MAN2A1: variants seen among roughly 807,000 people sequenced by gnomAD.
MAN2A1 encodes the protein alpha-mannosidase 2.
In MAN2A1, 76 loss-of-function variants were observed where a neutral mutation model predicts 142.6. The observed-to-expected ratio is 0.53, with a 90% CI of 0.44 to 0.65. The LOEUF is 0.65. Among genes scored for constraint, MAN2A1 ranks in the 30% least tolerant of loss-of-function variants. The pLI is 0.00. For synonymous variants in MAN2A1, 559 were observed against 473.2 expected (o/e 1.18, Z -2.35); for missense variants, 1,311 against 1,365.1 (o/e 0.96, Z 0.62).
chr5:109,826,698 C>T (rs1314707056), intron 16 of MAN2A1, among the ~76,000 whole-genome samples: 1 of 152,186 alleles, frequency 6.6e-6, no homozygotes, highest in Non-Finnish European at 1.5e-5. Flanking sequence ...AATCACTAAT[C>T]AAGGCCCATG....
chr5:109,805,744 G>C (rs193166804), intron 12 of MAN2A1, among the ~76,000 whole-genome samples: 2 of 152,166 alleles, frequency 1.3e-5, no homozygotes. Flanking sequence ...TTAACATTTG[G>C]TTTTCTTGTC....
intron 5 of MAN2A1, among the ~76,000 whole-genome samples, chr5:109,765,872 T>C (rs1220882812): frequency 6.6e-6 from 1 of 152,162 alleles, no homozygotes; most frequent in Non-Finnish European, 1.5e-5. Flanking sequence ...CTTGACTGTC[T>C]CTTTGCTTTA....
chr5:109,767,378 T>C (rs1213543001), intron 5 of MAN2A1, among the ~76,000 whole-genome samples, 157 bp from the exon 6 acceptor site: 2 of 152,206 alleles, frequency 1.3e-5, no homozygotes, highest in African/African-American at 4.8e-5. Flanking sequence ...CTTCATGATA[T>C]CTTGCTGGGA....
intron 16 of MAN2A1, among the ~76,000 whole-genome samples, chr5:109,836,143 C>G (rs1157079347): frequency 6.6e-6 from 1 of 151,540 alleles, no homozygotes; most frequent in African/African-American, 2.4e-5. Context: ...GAGTCCCACT[C>G]TGTTGCCCCA....
Position 109,823,842 on chromosome 5 carries a change from GA to G in MAN2A1, c.2566+9del, listed in dbSNP as rs770947654. 2.2e-6 allele frequency: 3 copies of G among 1,394,194 alleles called. No individual in the cohort carries two copies. The South Asian group carries it at 3.9e-5, about 18-fold the overall frequency. 86.4% of individuals were successfully genotyped at this position (1,394,194 alleles called of 1,614,324 possible). On this transcript the variant is annotated splice_donor_region_variant and intron_variant, in intron 16 of 21. Transcript: ENST00000261483. ...TCCGACTATACCACATACAGGGTAA[GA>G]AAATAGGAATGCAGTTATGAAACAT...
intron 4 of MAN2A1, among the ~76,000 whole-genome samples, chr5:109,754,359 G>A (rs991136050): frequency 1.3e-5 from 2 of 152,070 alleles, no homozygotes; most frequent in Non-Finnish European, 2.9e-5. Flanking sequence ...TGGTATTATG[G>A]CAAAGGAATA....
At chr5:109,784,389 T>TG (rs1429189714) in intron 9 of MAN2A1, among the ~76,000 whole-genome samples, 1 of 152,126 alleles carries the variant, frequency 6.6e-6, no homozygotes, top group Non-Finnish European at 1.5e-5. Context: ...GTGTTGCTCT[T>TG]GGAGAGAAGA....
At chr5:109,751,045 A>G (rs1293272182) in intron 4 of MAN2A1, among the ~76,000 whole-genome samples, 2 of 151,818 alleles carry the variant, frequency 1.3e-5, no homozygotes, top group African/African-American at 4.8e-5. Flanking sequence ...TAGTCACCCT[A>G]CTCTGCTGTC....
intron 16 of MAN2A1, among the ~76,000 whole-genome samples, chr5:109,833,056 C>G (rs1754963887): frequency 6.6e-6 from 1 of 151,020 alleles, no homozygotes; most frequent in Admixed American, 6.6e-5. Flanking sequence ...GAGGCGCTCC[C>G]CACATCTCAG....
chr5:109,736,318 G>C (rs1210833817), intron 4 of MAN2A1, among the ~76,000 whole-genome samples: 1 of 151,982 alleles, frequency 6.6e-6, no homozygotes, highest in Non-Finnish European at 1.5e-5. Flanking sequence ...AACCACATAA[G>C]CATTGATATT....
intron 13 of MAN2A1, among the ~76,000 whole-genome samples, chr5:109,818,827 C>G (rs1754542061): frequency 1.3e-5 from 2 of 152,092 alleles, no homozygotes; most frequent in African/African-American, 4.8e-5. Flanking sequence ...ATTAGGTTCT[C>G]TGGATAAACT....
chr5:109,866,301 C>T (rs1755881814), intron 21 of MAN2A1, among the ~76,000 whole-genome samples: 1 of 152,126 alleles, frequency 6.6e-6, no homozygotes, highest in South Asian at 2.1e-4. Context: ...GAGGGAAATA[C>T]TTTCCAAATG....
intron 16 of MAN2A1, among the ~76,000 whole-genome samples, chr5:109,841,993 C>T (rs1755217037): frequency 6.6e-6 from 1 of 152,154 alleles, no homozygotes; most frequent in Non-Finnish European, 1.5e-5. Flanking sequence ...GTGGACTGGC[C>T]TGTAGCTGGG....
At chr5:109,805,656 C>T (rs1443995046) in intron 12 of MAN2A1, among the ~76,000 whole-genome samples, 1 of 152,190 alleles carries the variant, frequency 6.6e-6, no homozygotes, top group African/African-American at 2.4e-5. Flanking sequence ...CTAACCAGCT[C>T]ATATTTTTGG....
chr5:109,857,081 G>T (rs1351629396), intron 20 of MAN2A1, among the ~76,000 whole-genome samples: 9 of 152,200 alleles, frequency 5.9e-5, no homozygotes, highest in African/African-American at 1.7e-4. Context: ...AAAATCTGAA[G>T]AAGGTCAGAG....
intron 19 of MAN2A1, among the ~76,000 whole-genome samples, chr5:109,851,653 G>A (rs181848109): frequency 2.0e-5 from 3 of 152,160 alleles, no homozygotes; most frequent in Non-Finnish European, 2.9e-5. Flanking sequence ...TCCAGTCTGT[G>A]GTATTCTGTT....
At chr5:109,695,147 AT>A (rs1366097927) in intron 1 of MAN2A1, among the ~76,000 whole-genome samples, 4 of 152,124 alleles carry the variant, frequency 2.6e-5, no homozygotes, top group Middle Eastern at 3.2e-3. Context: ...ACCCAAACTT[AT>A]TTCCTGTAAA....
At chr5:109,690,581 T>C (rs899836085) in intron 1 of MAN2A1, 29 bp downstream of exon 1, 2 of 1,564,944 alleles carry the variant, frequency 1.3e-6, no homozygotes, top group Non-Finnish European at 1.7e-6. Flanking sequence ...GGCGCGGGGC[T>C]CCGAGGGGCC....
chr5:109,801,567 G>A lies in MAN2A1; in HGVS notation c.1943+12040G>A, dbSNP rs140888846. Among the ~76,000 whole-genome samples the A allele has an allele frequency of 2.0e-3, 300 of 152,244 alleles. 1 individual carries two copies. The highest frequency in any genetic ancestry group is 6.8e-3 in the Middle Eastern group (2 of 294). ...AGAGATAATGGTTGTTGGGTAGGAAGGAGCAGCATCTGCAAATTAGATTCA... is the reference window on the plus strand; with the variant it reads ...AGAGATAATGGTTGTTGGGTAGGAAAGAGCAGCATCTGCAAATTAGATTCA... On this transcript the variant is annotated intron_variant, in intron 12 of 21. Coordinates refer to ENST00000261483, the MANE Select transcript of MAN2A1 (RefSeq NM_002372.4).
Sources: gnomAD v4.1 joint callset for allele counts (sites outside exome capture counted in the v4.1 genomes callset) on GRCh38, gnomAD v4.1.1 for gene constraint, MANE v1.5 for transcripts, NCBI Gene and HGNC (gene_info 2026-07-23, HGNC 2026-07-21) for gene names.